PHLPP2: variants seen among roughly 807,000 people sequenced by gnomAD.
PHLPP2 encodes the protein PH domain and leucine rich repeat protein phosphatase 2.
In PHLPP2, 66 loss-of-function variants were observed where a neutral mutation model predicts 124.9. That is an observed-to-expected ratio of 0.53 (90% CI 0.43 to 0.65). The LOEUF (loss-of-function observed/expected upper bound fraction) is 0.65. Ranked by LOEUF, PHLPP2 falls within the 30% of genes least tolerant of loss-of-function variation. The probability of loss-of-function intolerance (pLI) is 0.00; values close to 1 mark genes in which losing one functional copy is unlikely to be tolerated. For missense variants in PHLPP2, 1,685 were observed against 1,600.4 expected (o/e 1.05, Z -0.90); for synonymous variants, 681 against 624.7 (o/e 1.09, Z -1.34).
intron 17 of PHLPP2, 114 bp downstream of exon 17, chr16:71,655,126 G>GT (rs2044731555): frequency 6.9e-6 from 5 of 722,884 alleles, no homozygotes; most frequent in African/African-American, 1.8e-5. Context: ...AGACAACAAC[G>GT]TGAGTTCTCT....
At position 71,679,589 on chromosome 16, in the gene PHLPP2, T is replaced by C. The variant is rs878901725; in HGVS notation, c.891-54A>G. 13 of 1,472,174 alleles carry C rather than the reference T, an allele frequency of 8.8e-6. No homozygotes were observed. In the South Asian group the frequency reaches 9.1e-5, roughly 10 times the overall value. 91.2% of individuals were successfully genotyped at this position (1,472,174 alleles called of 1,614,324 possible). A position where few individuals can be genotyped will look rare whatever the true frequency, so the allele number is the denominator to read the frequency against. On this transcript the variant is annotated intron_variant, in intron 6 of 18. Coordinates refer to ENST00000568954, the MANE Select transcript of PHLPP2 (RefSeq NM_015020.3). ...GCATTTCAATACATCTATTACTGTA[T>C]CTTTACAAGGGACATCAACGGCCTT...
At chr16:71,655,624 T>C (rs1324444647) in intron 16 of PHLPP2, among the ~76,000 whole-genome samples, 190 bp from the exon 17 acceptor site, 1 of 151,214 alleles carries the variant, frequency 6.6e-6, no homozygotes, top group Non-Finnish European at 1.5e-5. Context: ...TGCCTCAGCC[T>C]CCCGAGAAGC....
chr16:71,719,334 G>C (rs956699043), intron 1 of PHLPP2, among the ~76,000 whole-genome samples: 1 of 152,014 alleles, frequency 6.6e-6, no homozygotes, highest in Non-Finnish European at 1.5e-5. Flanking sequence ...TCAGGAGCTC[G>C]AGACCAGCCT....
At chr16:71,651,509 A>T (rs2044696234) in intron 18 of PHLPP2, among the ~76,000 whole-genome samples, 2 of 152,218 alleles carry the variant, frequency 1.3e-5, no homozygotes. Context: ...TCCAAACTGG[A>T]TAACACAGCA....
chr16:71,661,439 C>A (rs2044789264), intron 13 of PHLPP2, among the ~76,000 whole-genome samples: 1 of 152,020 alleles, frequency 6.6e-6, no homozygotes, highest in Non-Finnish European at 1.5e-5. Context: ...TTATATCAAC[C>A]TGCTTTTGAC....
chr16:71,650,405 T>G (rs981226315), intron 18 of PHLPP2, among the ~76,000 whole-genome samples: 1 of 152,130 alleles, frequency 6.6e-6, no homozygotes, highest in Non-Finnish European at 1.5e-5. Flanking sequence ...TCAGAGAGGA[T>G]GAAACAGAAA....
At chr16:71,718,955 C>T (rs2045380789) in intron 1 of PHLPP2, among the ~76,000 whole-genome samples, 1 of 152,210 alleles carries the variant, frequency 6.6e-6, no homozygotes, top group African/African-American at 2.4e-5. Context: ...TTATTAGCCA[C>T]TGCTGAATTG....
At chr16:71,689,599 T>A (rs1008899757) in intron 4 of PHLPP2, among the ~76,000 whole-genome samples, 2 of 151,874 alleles carry the variant, frequency 1.3e-5, no homozygotes, top group Admixed American at 6.6e-5. Flanking sequence ...GGTTTCACTA[T>A]GTTGGCCAGG....
chr16:71,658,451 A>G (rs766467004), intron 14 of PHLPP2, 88 bp from the exon 15 acceptor site: 106 of 1,296,086 alleles, frequency 8.2e-5, no homozygotes, highest in Non-Finnish European at 1.1e-4. Context: ...CTATATCCCC[A>G]AAGAGGAACT....
At chr16:71,658,855 T>C (rs368678384) in intron 13 of PHLPP2, 40 bp from the exon 14 acceptor site, 3 of 1,588,828 alleles carry the variant, frequency 1.9e-6, no homozygotes, top group South Asian at 2.2e-5. Context: ...GCACCAAGAC[T>C]GAGCAGCTGC....
intron 2 of PHLPP2, among the ~76,000 whole-genome samples, chr16:71,705,516 T>C (rs1324360853): frequency 6.6e-6 from 1 of 152,118 alleles, no homozygotes; most frequent in Non-Finnish European, 1.5e-5. Flanking sequence ...TTTCTTTTTC[T>C]TTTTCTTTTT....
chr16:71,663,095 C>CTATT (rs1192496019), intron 13 of PHLPP2, among the ~76,000 whole-genome samples: 5 of 152,138 alleles, frequency 3.3e-5, no homozygotes, highest in African/African-American at 9.6e-5. Flanking sequence ...GCCTGCCTTT[C>CTATT]TATTTATTTA....
Position 71,649,329 on chromosome 16 carries a change from T to C in PHLPP2, c.3533A>G (p.Asp1178Gly), listed in dbSNP as rs1330922254. 8.7e-6 allele frequency: 14 copies of C among 1,613,222 alleles called. No individual in the cohort carries two copies. Among genetic ancestry groups the C allele is most frequent in the Non-Finnish European group, 1.2e-5 (14 of 1,179,310 alleles). Residue 1178 changes from aspartate (D) to glycine (G), a missense_variant, in exon 19 of 19, where the codon GAT (aspartate) becomes GGT (glycine). Asp to Gly is a moderately conservative substitution (Grantham distance 94, BLOSUM62 -1). Coordinates refer to ENST00000568954, the MANE Select transcript of PHLPP2 (RefSeq NM_015020.3). ...TATGAGAGGGGGTGAGTTCTCCAGA[T>C]CCCTCCCCCTGCAGCAGTGGATGTC... ...EVDIHCCRGR[D>G]LENSPPLIES...
At chr16:71,702,791 A>T in intron 2 of PHLPP2, 60 bp from the exon 3 acceptor site, 1 of 925,920 alleles carries the variant, frequency 1.1e-6, no homozygotes, top group South Asian at 1.8e-5. Flanking sequence ...GGTTCATTTA[A>T]TTTTTTAGTA....
chr16:71,709,204 G>GTAT (rs2045307335), intron 2 of PHLPP2, among the ~76,000 whole-genome samples: 10 of 152,184 alleles, frequency 6.6e-5, no homozygotes, highest in Middle Eastern at 3.4e-3. Context: ...CCTATTCAGT[G>GTAT]GTAATCAGTT....
chr16:71,677,230 C>T (rs1442508559), intron 8 of PHLPP2: 1 of 155,880 alleles, frequency 6.4e-6, no homozygotes, highest in East Asian at 1.9e-4. Context: ...CAGTTAAACA[C>T]TTATATCCAA....
At chr16:71,650,101 T>A in intron 18 of PHLPP2, 57 bp from the exon 19 acceptor site, 2 of 1,313,646 alleles carry the variant, frequency 1.5e-6, no homozygotes, top group African/African-American at 1.4e-5. Context: ...AGCCAACTTA[T>A]CTTTCTAGAT....
intron 18 of PHLPP2, among the ~76,000 whole-genome samples, chr16:71,651,839 G>T (rs930258677): frequency 6.6e-6 from 1 of 152,160 alleles, no homozygotes; most frequent in African/African-American, 2.4e-5. Flanking sequence ...ACACCTACAT[G>T]CAAAACATGA....
Position 71,645,714 on chromosome 16 carries a change from T to C in PHLPP2, c.*3176A>G, listed in dbSNP as rs2044648738. On this transcript the variant is annotated 3_prime_UTR_variant, in exon 19 of 19. Coordinates refer to ENST00000568954, the MANE Select transcript of PHLPP2 (RefSeq NM_015020.3). ...CCAGCAATGACCACGCTGCTCCTGC[T>C]GGCTCTTCCGTACACCAGTAAATGA... 1 of 153,448 alleles carries C rather than the reference T, an allele frequency of 6.5e-6. No individual in the cohort carries two copies. The highest frequency in any genetic ancestry group is 1.5e-5 in the Non-Finnish European group (1 of 68,084). 9.5% of individuals were successfully genotyped at this position (153,448 alleles called of 1,614,324 possible).
Sources: allele counts gnomAD v4.1 joint callset (sites outside exome capture counted in the v4.1 genomes callset), GRCh38; gene constraint gnomAD v4.1.1; transcripts MANE v1.5; gene names NCBI Gene and HGNC (gene_info 2026-07-23, HGNC 2026-07-21).